The following GUCY1A2 variants were observed in gnomAD, a reference collection of about 807,000 sequenced individuals.
The protein encoded by GUCY1A2 is guanylate cyclase 1 soluble subunit alpha 2, also known as guanylate cyclase soluble subunit alpha-2.
In GUCY1A2, 27 loss-of-function variants were observed where a neutral mutation model predicts 63.5. That is an observed-to-expected ratio of 0.43 (90% CI 0.31 to 0.59). The LOEUF (loss-of-function observed/expected upper bound fraction) is 0.59. GUCY1A2 is among the 20% of genes least tolerant of loss of function. The pLI, the probability that GUCY1A2 is intolerant of heterozygous loss-of-function variation, is 0.11. For synonymous variants in GUCY1A2, 364 were observed against 343.5 expected, an observed-to-expected ratio of 1.06 and a Z score of -0.66; for missense variants, 768 against 913.3, an observed-to-expected ratio of 0.84 and a Z score of 2.05.
intron 3 of GUCY1A2, among the ~76,000 whole-genome samples, chr11:106,970,034 T>C (rs188446635): frequency 1.3e-5 from 2 of 152,308 alleles, no homozygotes; most frequent in African/African-American, 2.4e-5. Flanking sequence ...CTAAGAAATT[T>C]GAGAATTTTG....
intron 4 of GUCY1A2, among the ~76,000 whole-genome samples, chr11:106,811,711 A>G (rs1591287024): frequency 1.3e-5 from 2 of 152,134 alleles, no homozygotes; most frequent in East Asian, 3.9e-4. Context: ...TATAATTTTT[A>G]TGGAATTAAA....
Position 106,679,290 on chromosome 11 carries a change from G to C in GUCY1A2, c.*8259C>G. 1 of 189,164 alleles carries C rather than the reference G, an allele frequency of 5.3e-6. No individual in the cohort carries two copies. The highest frequency in any genetic ancestry group is 1.1e-5 in the Non-Finnish European group (1 of 90,034). 11.7% of individuals were successfully genotyped at this position (189,164 alleles called of 1,614,324 possible). On this transcript the variant is annotated 3_prime_UTR_variant, in exon 8 of 8. Coordinates refer to ENST00000526355, the MANE Select transcript of GUCY1A2 (RefSeq NM_000855.3). ...AAGTTTAGAAGACTAGAGTCTTCGT[G>C]TCTCACAGAATACCATTAAATGCTA...
chr11:106,854,042 G>A (rs1440153170), intron 4 of GUCY1A2, among the ~76,000 whole-genome samples: 2 of 152,218 alleles, frequency 1.3e-5, no homozygotes, highest in African/African-American at 2.4e-5. Flanking sequence ...GGTAAACTAG[G>A]CATGCCAGTC....
intron 1 of GUCY1A2, among the ~76,000 whole-genome samples, chr11:106,992,768 T>C (rs1245443728): frequency 1.3e-5 from 2 of 152,060 alleles, no homozygotes; most frequent in Non-Finnish European, 2.9e-5. Context: ...CAAAGCCATA[T>C]CAACAAGAAA....
chr11:106,827,993 T>C, intron 4 of GUCY1A2: 2 of 725,214 alleles, frequency 2.8e-6, no homozygotes, highest in South Asian at 1.5e-5. Context: ...CGGTGCCTTA[T>C]CCAGAGAATC....
intron 4 of GUCY1A2, among the ~76,000 whole-genome samples, chr11:106,910,752 C>T (rs1324887319): frequency 1.3e-5 from 2 of 152,088 alleles, no homozygotes; most frequent in Non-Finnish European, 2.9e-5. Flanking sequence ...TGGTCCCTTA[C>T]AGACCCCCAT....
At chr11:106,887,671 C>G (rs1056007876) in intron 4 of GUCY1A2, among the ~76,000 whole-genome samples, 4 of 152,176 alleles carry the variant, frequency 2.6e-5, no homozygotes, top group Admixed American at 2.0e-4. Flanking sequence ...TATGTTGTAT[C>G]ATGGCTACCC....
chr11:106,952,808 T>A (rs578055481), intron 3 of GUCY1A2, among the ~76,000 whole-genome samples: 26 of 152,128 alleles, frequency 1.7e-4, no homozygotes, highest in Admixed American at 1.0e-3. Flanking sequence ...CCTGGCTAAT[T>A]TTTGTATTTT....
chr11:106,959,532 T>C (rs1861033411), intron 3 of GUCY1A2, among the ~76,000 whole-genome samples: 2 of 152,232 alleles, frequency 1.3e-5, no homozygotes, highest in Admixed American at 1.3e-4. Context: ...TTTGTAGCTG[T>C]CAGCTCTCAA....
chr11:106,746,755 C>G (rs1393840868), intron 6 of GUCY1A2: 2 of 568,072 alleles, frequency 3.5e-6, no homozygotes, highest in Non-Finnish European at 6.3e-6. Context: ...TAGTTTATGG[C>G]CAATGTCACT....
intron 4 of GUCY1A2, among the ~76,000 whole-genome samples, chr11:106,863,997 A>C (rs1380541226): frequency 6.6e-6 from 1 of 152,022 alleles, no homozygotes; most frequent in Non-Finnish European, 1.5e-5. Context: ...ACTTTGCTGA[A>C]GTTGTTTATC....
intron 1 of GUCY1A2, among the ~76,000 whole-genome samples, chr11:106,996,400 AC>A (rs1861535811): frequency 1.3e-5 from 2 of 152,202 alleles, no homozygotes; most frequent in African/African-American, 4.8e-5. Flanking sequence ...ATGCCCTTGA[AC>A]ATCAGTTCTC....
chr11:106,867,606 T>C (rs1239756107), intron 4 of GUCY1A2, among the ~76,000 whole-genome samples: 1 of 152,050 alleles, frequency 6.6e-6, no homozygotes. Flanking sequence ...TAAGATGAAA[T>C]AAATTAAATC....
chr11:106,939,820 G>A lies in GUCY1A2; in HGVS notation c.846C>T (p.Asn282=). ...AAGTAAGACAGCTACAATTGCCTGG[G>A]TTTGAAACATCAGAGCATAGCTTCT... ...ANEKLCSDVS[N]PGNCSCLTFL... is the part of the protein sequence containing the mutation. The change falls in exon 4 of 8, where the codon AAC becomes AAT. Residue 282 remains asparagine, a synonymous_variant. Coordinates refer to ENST00000526355, the MANE Select transcript of GUCY1A2 (RefSeq NM_000855.3). 1 of 1,613,476 alleles carries A rather than the reference G, an allele frequency of 6.2e-7. No homozygotes were observed. Among genetic ancestry groups the A allele is most frequent in the South Asian group, 1.1e-5 (1 of 91,064 alleles).
intron 7 of GUCY1A2, among the ~76,000 whole-genome samples, chr11:106,699,183 A>G (rs996388110): frequency 8.5e-5 from 13 of 152,234 alleles, no homozygotes; most frequent in African/African-American, 2.9e-4. Context: ...GACATCTAAA[A>G]GAACCTTCAG....
At chr11:106,730,775 G>T (rs2353440) in intron 6 of GUCY1A2, among the ~76,000 whole-genome samples, 129,740 of 152,122 alleles carry the variant, frequency 0.85, 55,458 homozygotes, top group East Asian at 0.99. Context: ...CTCGCCAGTA[G>T]CTGTTATTTT....
chr11:106,867,975 A>AC, intron 4 of GUCY1A2, among the ~76,000 whole-genome samples: 1 of 152,046 alleles, frequency 6.6e-6, no homozygotes, highest in South Asian at 2.1e-4. Flanking sequence ...TTAAATACAC[A>AC]CCCCAACCCC....
At chr11:106,693,006 T>C (rs1250321351) in intron 7 of GUCY1A2, among the ~76,000 whole-genome samples, 1 of 152,152 alleles carries the variant, frequency 6.6e-6, no homozygotes. Context: ...TTTGTTTGTT[T>C]CAACAACTGG....
chr11:106,837,204 G>T (rs1001727284), intron 4 of GUCY1A2, among the ~76,000 whole-genome samples: 6 of 151,748 alleles, frequency 4.0e-5, no homozygotes, highest in African/African-American at 1.5e-4. Flanking sequence ...GTGTCCATGA[G>T]TTCTCATTAT....
Sources: gnomAD v4.1 joint callset for allele counts (sites outside exome capture counted in the v4.1 genomes callset) on GRCh38, gnomAD v4.1.1 for gene constraint, MANE v1.5 for transcripts, NCBI Gene and HGNC (gene_info 2026-07-23, HGNC 2026-07-21) for gene names.